The following KAZN variants were observed in gnomAD, a reference collection of about 807,000 sequenced individuals.
KAZN encodes the protein kazrin.
In KAZN, 40 loss-of-function variants were observed where a neutral mutation model predicts 87.4. That is an observed-to-expected ratio of 0.46 (90% confidence interval 0.36 to 0.60). The LOEUF is 0.60. KAZN is among the 20% of genes least tolerant of loss of function. The pLI is 0.00. For missense variants in KAZN, 898 were observed against 1,073.9 expected (o/e 0.84, Z 2.29); for synonymous variants, 466 against 458.3 (o/e 1.02, Z -0.22).
intron 2 of KAZN, among the ~76,000 whole-genome samples, chr1:14,260,757 T>C (rs1650948333): frequency 6.6e-6 from 1 of 152,210 alleles, no homozygotes; most frequent in Admixed American, 6.5e-5. Context: ...ACTATGTATA[T>C]AGTCGCTAAT....
At chr1:14,237,527 A>G (rs900955882) in intron 2 of KAZN, among the ~76,000 whole-genome samples, 2 of 152,086 alleles carry the variant, frequency 1.3e-5, no homozygotes, top group Non-Finnish European at 2.9e-5. Context: ...AGTATCTTTC[A>G]CTTAGGCACA....
At chr1:14,097,276 A>G (rs1644149855) in intron 1 of KAZN, among the ~76,000 whole-genome samples, 1 of 152,184 alleles carries the variant, frequency 6.6e-6, no homozygotes, top group Non-Finnish European at 1.5e-5. Flanking sequence ...AGTCCAGAGA[A>G]CCTAGATAGA....
intron 1 of KAZN, among the ~76,000 whole-genome samples, chr1:14,116,679 GCCA>G (rs1557488289): frequency 6.6e-6 from 1 of 152,140 alleles, no homozygotes; most frequent in East Asian, 1.9e-4. Flanking sequence ...TGAGAAGAGG[GCCA>G]CTGTCCTCCA....
chr1:14,103,189 G>A (rs900926658), intron 1 of KAZN, among the ~76,000 whole-genome samples: 3 of 152,132 alleles, frequency 2.0e-5, no homozygotes, highest in Non-Finnish European at 2.9e-5. Context: ...TCAAAGTGCC[G>A]GGATTACAGG....
rs188993090 is a variant in KAZN at position 14,656,926 on chromosome 1, T to A, written c.226+57703T>A. Among the ~76,000 whole-genome samples, 1,189 of 152,264 alleles carry A rather than the reference T, an allele frequency of 7.8e-3. 12 individuals carry two copies. The highest frequency in any genetic ancestry group is 0.023 in the South Asian group (111 of 4,820). On this transcript the variant is annotated intron_variant, in intron 1 of 14. Coordinates refer to ENST00000376030, the MANE Select transcript of KAZN (RefSeq NM_201628.3). ...ATGCAAAATCGTGCTATTATCACCA[T>A]TTTACAGGCCAGGAAACTGAAGTTG...
intron 2 of KAZN, among the ~76,000 whole-genome samples, chr1:15,024,863 C>T (rs934075675): frequency 6.6e-6 from 1 of 152,220 alleles, no homozygotes; most frequent in Non-Finnish European, 1.5e-5. Flanking sequence ...ATAAGAACTT[C>T]AGCCATGCCG....
chr1:14,164,947 A>G (rs2185241), intron 1 of KAZN, among the ~76,000 whole-genome samples: 31,143 of 152,130 alleles, frequency 0.2, 3,564 homozygotes, highest in East Asian at 0.34. Context: ...AAATACTGAC[A>G]TGGAAAGTTG....
chr1:13,903,459 C>T (rs545105115), intron 1 of KAZN, among the ~76,000 whole-genome samples: 1 of 152,248 alleles, frequency 6.6e-6, no homozygotes, highest in African/African-American at 2.4e-5. Flanking sequence ...GCCAGTGTGG[C>T]TAGGAGGGAG....
chr1:15,003,873 G>A (rs1170886762), intron 2 of KAZN, among the ~76,000 whole-genome samples: 1 of 152,170 alleles, frequency 6.6e-6, no homozygotes, highest in Non-Finnish European at 1.5e-5. Context: ...GTCCCCAGGT[G>A]TCACTCACAG....
At chr1:14,468,051 G>A (rs554829989) in intron 2 of KAZN, among the ~76,000 whole-genome samples, 1 of 152,256 alleles carries the variant, frequency 6.6e-6, no homozygotes, top group Admixed American at 6.5e-5. Context: ...TTCCTACAAT[G>A]AAGGCCAAGA....
intron 1 of KAZN, among the ~76,000 whole-genome samples, chr1:14,051,159 C>T (rs1642311736): frequency 6.6e-6 from 1 of 152,130 alleles, no homozygotes; most frequent in Non-Finnish European, 1.5e-5. Flanking sequence ...TCATAGAATT[C>T]TTGCTGAACT....
chr1:14,890,007 G>A (rs1189567450), intron 1 of KAZN, among the ~76,000 whole-genome samples: 1 of 152,202 alleles, frequency 6.6e-6, no homozygotes, highest in African/African-American at 2.4e-5. Context: ...GTTACAATGG[G>A]CTTTTTATGT....
chr1:14,364,576 A>G (rs2100991620), intron 2 of KAZN, among the ~76,000 whole-genome samples: 1 of 152,320 alleles, frequency 6.6e-6, no homozygotes, highest in Middle Eastern at 3.4e-3. Flanking sequence ...CCCTAGAAAA[A>G]CATGACCACC....
chr1:14,779,284 G>A (rs1405139469), intron 1 of KAZN, among the ~76,000 whole-genome samples: 3 of 152,172 alleles, frequency 2.0e-5, no homozygotes, highest in African/African-American at 7.2e-5. Flanking sequence ...GCAAACTAGA[G>A]ACCACAGAAT....
chr1:14,372,466 G>A (rs997697605), intron 2 of KAZN, among the ~76,000 whole-genome samples: 2 of 152,062 alleles, frequency 1.3e-5, no homozygotes, highest in East Asian at 3.8e-4. Context: ...GGGCTGTCCT[G>A]TATGTTGCAG....
chr1:14,394,410 T>A (rs1662717962), intron 2 of KAZN, among the ~76,000 whole-genome samples: 1 of 152,070 alleles, frequency 6.6e-6, no homozygotes. Flanking sequence ...GTAGAAAGAG[T>A]CACCTACCCA....
At chr1:14,381,816 T>C (rs1483913573) in intron 2 of KAZN, among the ~76,000 whole-genome samples, 1 of 152,020 alleles carries the variant, frequency 6.6e-6, no homozygotes, top group African/African-American at 2.4e-5. Context: ...GTACTGGAAG[T>C]TATAGTTAGA....
At chr1:14,788,304 C>A (rs116272941) in intron 1 of KAZN, among the ~76,000 whole-genome samples, 2,839 of 152,288 alleles carry the variant, frequency 0.019, 49 homozygotes, top group Non-Finnish European at 0.03. Flanking sequence ...TCCAGGAGCA[C>A]GGCCAAAAGA....
chr1:14,552,233 C>T (rs1673576808), intron 2 of KAZN, among the ~76,000 whole-genome samples: 1 of 152,208 alleles, frequency 6.6e-6, no homozygotes, highest in Non-Finnish European at 1.5e-5. Flanking sequence ...TCCTCCTGCC[C>T]CCTATTAATG....
Sources: gnomAD v4.1 joint callset for allele counts (sites outside exome capture counted in the v4.1 genomes callset) on GRCh38, gnomAD v4.1.1 for gene constraint, MANE v1.5 for transcripts, NCBI Gene and HGNC (gene_info 2026-07-23, HGNC 2026-07-21) for gene names.